Variants in RRM2 observed in about 807,000 individuals in gnomAD.
RRM2 encodes ribonucleoside-diphosphate reductase subunit M2.
A neutral mutation model predicts 45.9 loss-of-function variants in RRM2; 6 were observed. That is an observed-to-expected ratio of 0.13 (90% CI 0.07 to 0.26). The LOEUF (loss-of-function observed/expected upper bound fraction) is 0.26, where lower values mean the gene tolerates loss of function less well. Among genes scored for constraint, RRM2 ranks in the 10% least tolerant of loss-of-function variants. The pLI is 1.00. For synonymous variants in RRM2, 177 were observed against 173.0 expected (o/e 1.02, Z -0.18); for missense variants, 343 against 489.5 (o/e 0.70, Z 2.82).
intron 3 of RRM2, among the ~76,000 whole-genome samples, chr2:10,206,011 C>A (rs1190564887): frequency 6.6e-6 from 1 of 151,994 alleles, no homozygotes; most frequent in Non-Finnish European, 1.5e-5. Flanking sequence ...GTCTGGGAGG[C>A]CGAAGCGGGA....
intron 3 of RRM2, among the ~76,000 whole-genome samples, chr2:10,149,597 C>T (rs1196255128): frequency 6.6e-6 from 1 of 152,150 alleles, no homozygotes; most frequent in East Asian, 1.9e-4. Flanking sequence ...CCTGTAGATG[C>T]TGCGCTGTTT....
chr2:10,176,576 A>G (rs1663919046), intron 3 of RRM2, among the ~76,000 whole-genome samples: 2 of 152,204 alleles, frequency 1.3e-5, no homozygotes. Context: ...CTAATTTTTT[A>G]AAGGAACCAC....
At chr2:10,178,450 T>C (rs529682758) in intron 3 of RRM2, among the ~76,000 whole-genome samples, 6 of 150,576 alleles carry the variant, frequency 4.0e-5, no homozygotes, top group African/African-American at 1.2e-4. Context: ...CTCGAACTCC[T>C]GACCTCAGGT....
At chr2:10,193,105 C>T (rs1376280025) in intron 3 of RRM2, among the ~76,000 whole-genome samples, 1 of 152,106 alleles carries the variant, frequency 6.6e-6, no homozygotes, top group Non-Finnish European at 1.5e-5. Context: ...GGTGACAAGC[C>T]AGAAGCCTCA....
chr2:10,136,370 T>C (rs560769878), downstream of RRM2, among the ~76,000 whole-genome samples: 1 of 152,248 alleles, frequency 6.6e-6, no homozygotes, highest in South Asian at 2.1e-4. Flanking sequence ...GCCTCCACTG[T>C]GCAGGGTGCT....
downstream of RRM2, among the ~76,000 whole-genome samples, chr2:10,131,787 TGGTTCTGG>T (rs1264108725): frequency 6.6e-6 from 1 of 152,206 alleles, no homozygotes; most frequent in East Asian, 1.9e-4. Flanking sequence ...TGCTTTCCAC[TGGTTCTGG>T]GCAAGAGACT....
At chr2:10,136,577 C>T (rs1027309225), upstream of RRM2, among the ~76,000 whole-genome samples, 2 of 152,160 alleles carry the variant, frequency 1.3e-5, no homozygotes, top group African/African-American at 4.8e-5. Context: ...CAAGACCAGC[C>T]TAGGCAATAT....
Position 10,162,337 on chromosome 2 carries a change from G to A in RRM2, n.482+19962G>A, listed in dbSNP as rs867252379. Among the ~76,000 whole-genome samples the A allele has an allele frequency of 6.5e-4, 99 of 152,290 alleles. 1 individual carries two copies. The highest frequency in any genetic ancestry group is 3.9e-4 in the East Asian group (2 of 5,184). Reference sequence around the variant, plus strand: ...AGCAGGCTTTGGGATGCGGCGTCTCGATGTGTGTGGGCGTGTGCAGGGCGG... The same window carrying A: ...AGCAGGCTTTGGGATGCGGCGTCTCAATGTGTGTGGGCGTGTGCAGGGCGG... On this transcript the variant is annotated intron_variant and non_coding_transcript_variant, in intron 3 of 3. Transcript: ENST00000381786.
chr2:10,180,008 G>T (rs1664011504), intron 3 of RRM2, among the ~76,000 whole-genome samples: 2 of 152,300 alleles, frequency 1.3e-5, no homozygotes, highest in South Asian at 4.1e-4. Flanking sequence ...TGTGAGAGCG[G>T]CCCCACCAAT....
intron 3 of RRM2, among the ~76,000 whole-genome samples, chr2:10,206,594 G>A (rs1224390550): frequency 6.6e-6 from 1 of 152,196 alleles, no homozygotes; most frequent in African/African-American, 2.4e-5. Context: ...CGGAGTTCCA[G>A]AAGAAGATAA....
chr2:10,163,326 C>T (rs1036873468), intron 3 of RRM2, among the ~76,000 whole-genome samples: 101 of 24,182 alleles, frequency 4.2e-3, no homozygotes, highest in African/African-American at 0.018. Context: ...GGGGAAAAGA[C>T]GGGCGGGGGG....
upstream of RRM2, among the ~76,000 whole-genome samples, chr2:10,137,182 G>A (rs1001823303): frequency 1.3e-5 from 2 of 152,164 alleles, no homozygotes; most frequent in Non-Finnish European, 2.9e-5. Flanking sequence ...AGATATGGCC[G>A]GGAGGCTCAG....
In RRM2 at chr2:10,172,629, C is replaced by T. The variant is rs1002569733; in HGVS notation, n.482+30254C>T. Among the ~76,000 whole-genome samples, 2 of 152,182 alleles carry T rather than the reference C, an allele frequency of 1.3e-5. No individual in the cohort carries two copies. The highest frequency in any genetic ancestry group is 2.4e-5 in the African/African-American group (1 of 41,436). On this transcript the variant is annotated intron_variant and non_coding_transcript_variant, in intron 3 of 3. Transcript: ENST00000381786. This position sits in a 1 kb window ranked among gnomAD's most constrained non-coding sequence, Gnocchi z 4.9. ...CCTCCGCATGGCATTAGAGAACATT[C>T]GCCTCCTGCTGGGTCGGCCCCTTCG...
At chr2:10,126,150 C>T (rs1325623339) in intron 5 of RRM2, among the ~76,000 whole-genome samples, 2 of 131,202 alleles carry the variant, frequency 1.5e-5, no homozygotes, top group African/African-American at 6.0e-5. Flanking sequence ...CAGAGTGAGA[C>T]CCTCATCTCT....
chr2:10,122,630 C>G, upstream of RRM2: 6 of 1,538,408 alleles, frequency 3.9e-6, no homozygotes, highest in Non-Finnish European at 5.3e-6. Flanking sequence ...TGGGAAGGGT[C>G]GGAGGCATGG....
chr2:10,177,281 T>TA (rs35834143), intron 3 of RRM2, among the ~76,000 whole-genome samples: 1 of 151,456 alleles, frequency 6.6e-6, no homozygotes, highest in African/African-American at 2.4e-5. Context: ...TAAAATAGAA[T>TA]AAAAAAAAAT....
At chr2:10,162,677 C>T (rs1037644167) in intron 3 of RRM2, among the ~76,000 whole-genome samples, 2 of 152,040 alleles carry the variant, frequency 1.3e-5, no homozygotes, top group East Asian at 1.9e-4. Flanking sequence ...CCTGCACCCC[C>T]CCGCCGCCCC....
At chr2:10,161,243 G>T (rs1663549520) in intron 3 of RRM2, among the ~76,000 whole-genome samples, 1 of 152,160 alleles carries the variant, frequency 6.6e-6, no homozygotes, top group Non-Finnish European at 1.5e-5. Flanking sequence ...ATTTTTGGTA[G>T]AGACAGGGTT....
intron 3 of RRM2, among the ~76,000 whole-genome samples, chr2:10,181,653 G>A (rs752090522): frequency 8.6e-5 from 13 of 151,258 alleles, no homozygotes; most frequent in Admixed American, 2.0e-4. Flanking sequence ...TTTGATTGTA[G>A]GAGTTTATTA....
Sources: gnomAD v4.1 joint callset for allele counts (sites outside exome capture counted in the v4.1 genomes callset) on GRCh38, gnomAD v4.1.1 for gene constraint, Gnocchi (gnomAD v3.1) non-coding constraint, MANE v1.5 for transcripts, NCBI Gene and HGNC (gene_info 2026-07-23, HGNC 2026-07-21) for gene names.